The following CEP128 variants were observed in gnomAD, a reference collection of about 807,000 sequenced individuals.
The protein encoded by CEP128 is centrosomal protein 128kDa.
CEP128 carries 132 observed loss-of-function variants against 156.7 expected under a neutral mutation model. The observed-to-expected ratio is 0.84, with a 90% CI of 0.73 to 0.97. CEP128 has a LOEUF of 0.97. Among genes scored for constraint, CEP128 ranks in the 50% least tolerant of loss-of-function variants. CEP128 has a pLI of 0.00. For missense variants in CEP128, 1,252 were observed against 1,281.9 expected, an observed-to-expected ratio of 0.98 and a Z score of 0.36; for synonymous variants, 469 against 448.9, an observed-to-expected ratio of 1.04 and a Z score of -0.57.
At chr14:80,838,137 A>T in intron 11 of CEP128, 67 bp downstream of exon 11, 1 of 1,141,060 alleles carries the variant, frequency 8.8e-7, no homozygotes, top group Non-Finnish European at 1.3e-6. Flanking sequence ...TCACAAAGAC[A>T]TTTAAATAGA....
At chr14:80,914,537 T>C in intron 3 of CEP128, 129 bp from the exon 4 acceptor site, 1 of 665,056 alleles carries the variant, frequency 1.5e-6, no homozygotes, top group Non-Finnish European at 2.7e-6. Flanking sequence ...CTGAGTTGAA[T>C]ATCAATGTAC....
intron 19 of CEP128, among the ~76,000 whole-genome samples, chr14:80,717,205 C>A (rs967237568): frequency 1.2e-4 from 19 of 152,178 alleles, no homozygotes; most frequent in Admixed American, 2.0e-4. Context: ...AAGGCAGAGA[C>A]TCTGCTATAA....
intron 24 of CEP128, among the ~76,000 whole-genome samples, chr14:80,503,971 A>G (rs899219331): frequency 2.0e-5 from 3 of 152,178 alleles, no homozygotes; most frequent in Non-Finnish European, 2.9e-5. Context: ...GATTTGACCT[A>G]CTTCCTAGTG....
chr14:80,535,226 T>C (rs549431241), intron 21 of CEP128, among the ~76,000 whole-genome samples: 1 of 152,356 alleles, frequency 6.6e-6, no homozygotes, highest in East Asian at 1.9e-4. Flanking sequence ...ATTATACAGA[T>C]AAGGCAATTG....
chr14:80,660,799 C>T (rs1430312934), intron 19 of CEP128, among the ~76,000 whole-genome samples: 2 of 152,176 alleles, frequency 1.3e-5, no homozygotes, highest in African/African-American at 4.8e-5. Flanking sequence ...ACTGATTTGG[C>T]TATCTTAGCC....
chr14:80,553,060 C>T (rs548241578), intron 21 of CEP128, among the ~76,000 whole-genome samples: 8 of 144,544 alleles, frequency 5.5e-5, no homozygotes, highest in South Asian at 2.2e-4. Flanking sequence ...ATTCACATTT[C>T]GGTTTTCTTT....
At chr14:80,898,129 C>T (rs895717008) in intron 7 of CEP128, among the ~76,000 whole-genome samples, 1 of 152,194 alleles carries the variant, frequency 6.6e-6, no homozygotes, top group African/African-American at 2.4e-5. Context: ...CTGAATTAAA[C>T]TTTACTTAAT....
intron 13 of CEP128, among the ~76,000 whole-genome samples, chr14:80,818,919 G>A (rs1056687483): frequency 6.6e-6 from 1 of 152,114 alleles, no homozygotes; most frequent in African/African-American, 2.4e-5. Context: ...TGAAGGACAG[G>A]AGCCATCCTT....
intron 19 of CEP128, among the ~76,000 whole-genome samples, chr14:80,621,098 G>A (rs1893459323): frequency 2.0e-5 from 3 of 152,142 alleles, no homozygotes; most frequent in African/African-American, 7.2e-5. Context: ...AAGGCAAAAT[G>A]TTACCATCTG....
chr14:80,506,238 G>A lies in CEP128; in HGVS notation c.3073-1218C>T, dbSNP rs79726758. On this transcript the variant is annotated intron_variant, in intron 23 of 24. Transcript: ENST00000555265. ...GTGGAGGTGAGAAAGAGTTTGGTGT[G>A]TCTGAAGAACTGGAGGAAGACCCCA... is the stretch of plus-strand genomic sequence containing the variant. Among the ~76,000 whole-genome samples the A allele has an allele frequency of 8.8e-3, 1,336 of 151,846 alleles. 23 individuals carry two copies. The highest frequency in any genetic ancestry group is 0.03 in the African/African-American group (1,263 of 41,434).
intron 24 of CEP128, among the ~76,000 whole-genome samples, chr14:80,504,290 G>A (rs1474546691): frequency 9.2e-5 from 14 of 152,156 alleles, no homozygotes; most frequent in Admixed American, 9.2e-4. Context: ...AAGAAAAATT[G>A]TAGCACACTG....
chr14:80,583,943 G>C (rs1891696006), intron 19 of CEP128, among the ~76,000 whole-genome samples: 1 of 152,012 alleles, frequency 6.6e-6, no homozygotes, highest in Non-Finnish European at 1.5e-5. Context: ...AAATGGTTTG[G>C]CTGAGATCAC....
intron 19 of CEP128, among the ~76,000 whole-genome samples, chr14:80,646,644 T>C (rs1029074146): frequency 7.2e-5 from 11 of 152,132 alleles, no homozygotes; most frequent in Non-Finnish European, 1.3e-4. Context: ...CAATACTACA[T>C]ACAATACATA....
intron 19 of CEP128, among the ~76,000 whole-genome samples, chr14:80,678,049 A>AAAATACATATATATAT: frequency 1.0e-5 from 1 of 98,502 alleles, no homozygotes; most frequent in Admixed American, 9.3e-5. Context: ...ATAAAAAAAA[A>AAAATACATATATATAT]ATATATATAT....
At chr14:80,820,440 A>G (rs1377536583) in intron 13 of CEP128, among the ~76,000 whole-genome samples, 2 of 152,222 alleles carry the variant, frequency 1.3e-5, no homozygotes, top group African/African-American at 2.4e-5. Flanking sequence ...TTACAATGCT[A>G]CAGTCTTTGT....
intron 19 of CEP128, among the ~76,000 whole-genome samples, chr14:80,697,040 C>A (rs2139339940): frequency 1.3e-5 from 2 of 152,214 alleles, no homozygotes; most frequent in South Asian, 4.1e-4. Flanking sequence ...CAAGTGAAAT[C>A]CTGTTAGTAG....
At chr14:80,525,045 G>T (rs930431726) in intron 23 of CEP128, among the ~76,000 whole-genome samples, 1 of 152,110 alleles carries the variant, frequency 6.6e-6, no homozygotes, top group African/African-American at 2.4e-5. Flanking sequence ...ATAGCAATTT[G>T]GGTGCCACCA....
At position 80,518,062 on chromosome 14, in the gene CEP128, T is replaced by C. The variant is rs1237357604; in HGVS notation, c.3072+8807A>G. Among the ~76,000 whole-genome samples the C allele has an allele frequency of 1.5e-4, 23 of 150,118 alleles. No individual in the cohort carries two copies. The Admixed American group carries it at 1.5e-3, about 10-fold the overall frequency. On this transcript the variant is annotated intron_variant, in intron 23 of 24. Transcript: ENST00000555265. ...ACCAGAAGGGCGTGCAGTTGCAAGATTCAATAGAGTGAAAACAGAACTCCC... is the reference window on the plus strand; with the variant it reads ...ACCAGAAGGGCGTGCAGTTGCAAGACTCAATAGAGTGAAAACAGAACTCCC...
At chr14:80,527,115 G>A in intron 22 of CEP128, 133 bp from the exon 23 acceptor site, 1 of 572,204 alleles carries the variant, frequency 1.7e-6, no homozygotes, top group Non-Finnish European at 3.1e-6. Context: ...AGATATATAG[G>A]AGAATCACAG....
Sources: gnomAD v4.1 joint callset for allele counts (sites outside exome capture counted in the v4.1 genomes callset) on GRCh38, gnomAD v4.1.1 for gene constraint, MANE v1.5 for transcripts, NCBI Gene and HGNC (gene_info 2026-07-23, HGNC 2026-07-21) for gene names.